ATCAY: variants seen among roughly 807,000 people sequenced by gnomAD.
The protein encoded by ATCAY is ATCAY kinesin light chain interacting caytaxin.
A neutral mutation model predicts 47.7 loss-of-function variants in ATCAY; 22 were observed. The observed-to-expected ratio is 0.46, with a 90% CI of 0.33 to 0.66. The LOEUF is 0.66. Among genes scored for constraint, ATCAY ranks in the 30% least tolerant of loss-of-function variants. The probability of loss-of-function intolerance (pLI) is 0.02; values close to 1 mark genes in which losing one functional copy is unlikely to be tolerated. For synonymous variants in ATCAY, 216 were observed against 207.6 expected (o/e 1.04, Z -0.35); for missense variants, 452 against 515.0 (o/e 0.88, Z 1.18).
chr19:3,910,189 T>C (rs187350292), intron 7 of ATCAY, among the ~76,000 whole-genome samples: 19 of 152,296 alleles, frequency 1.2e-4, no homozygotes, highest in South Asian at 8.3e-4. Context: ...CTCCTAGGAC[T>C]GGAATCACAC....
chr19:3,883,279 T>G (rs931702478), intron 1 of ATCAY, among the ~76,000 whole-genome samples: 1 of 151,732 alleles, frequency 6.6e-6, no homozygotes, highest in Non-Finnish European at 1.5e-5. Flanking sequence ...GAGGTGGAGG[T>G]TGCAGTGAGC....
intron 9 of ATCAY, among the ~76,000 whole-genome samples, chr19:3,915,681 A>G (rs2038960694): frequency 6.9e-6 from 1 of 145,968 alleles, no homozygotes; most frequent in African/African-American, 2.5e-5. Flanking sequence ...CCTCCCCAGT[A>G]GCTGGGATTA....
In ATCAY at chr19:3,907,628, G is replaced by C. The variant is rs1219699373; in HGVS notation, c.359-106G>C. The C allele has an allele frequency of 7.3e-7, 1 of 1,366,960 alleles. No individual in the cohort carries two copies. The highest frequency in any genetic ancestry group is 1.0e-6 in the Non-Finnish European group (1 of 989,992). The allele number at this position is 1,366,960 out of a possible 1,614,324, so 84.7% of individuals were successfully genotyped here. ...AGGTGGGGAGAAGCGAAGGACTTGT[G>C]GGTCCCGGCAGCGAGGGAGGTGGGA... On this transcript the variant is annotated intron_variant, in intron 4 of 12. Transcript: ENST00000450849. This position sits in a 1 kb window ranked among gnomAD's most constrained non-coding sequence, Gnocchi z 5.1.
chr19:3,924,532 G>T (rs904858491), intron 12 of ATCAY, 51 bp from the exon 13 acceptor site: 26 of 1,611,412 alleles, frequency 1.6e-5, no homozygotes, highest in Non-Finnish European at 2.1e-5. Context: ...AGCGCATTTT[G>T]CACTTTTAAC....
At chr19:3,886,466 T>C (rs572200312) in intron 2 of ATCAY, among the ~76,000 whole-genome samples, 36 of 151,898 alleles carry the variant, frequency 2.4e-4, no homozygotes, top group African/African-American at 8.4e-4. Flanking sequence ...GGCAGGCGCC[T>C]GTAGTCCCAG....
intron 1 of ATCAY, among the ~76,000 whole-genome samples, chr19:3,882,755 C>T (rs754313173): frequency 1.3e-5 from 2 of 151,732 alleles, no homozygotes; most frequent in Admixed American, 6.6e-5. Flanking sequence ...GCAATCCTCC[C>T]ACCTCAGCCT....
chr19:3,886,046 G>C (rs958652026), intron 2 of ATCAY, among the ~76,000 whole-genome samples: 4 of 152,234 alleles, frequency 2.6e-5, no homozygotes, highest in African/African-American at 9.6e-5. Flanking sequence ...CAGTGGGGTA[G>C]TCCTGGCCAG....
At chr19:3,919,317 G>A (rs1204317442) in intron 11 of ATCAY, among the ~76,000 whole-genome samples, 2 of 151,108 alleles carry the variant, frequency 1.3e-5, no homozygotes, top group African/African-American at 2.4e-5. Context: ...TTATCGGCCG[G>A]GTGTGGTGGC....
At chr19:3,924,198 C>T (rs2039045898) in intron 12 of ATCAY, among the ~76,000 whole-genome samples, 1 of 131,904 alleles carries the variant, frequency 7.6e-6, no homozygotes, top group Non-Finnish European at 1.6e-5. Flanking sequence ...ATGAATGGAT[C>T]CCTCCATTGA....
At chr19:3,906,570 T>C (rs2038863067) in intron 4 of ATCAY, among the ~76,000 whole-genome samples, 1 of 151,964 alleles carries the variant, frequency 6.6e-6, no homozygotes, top group Non-Finnish European at 1.5e-5. Context: ...CCCAAAGTGC[T>C]GGGATCACAG....
At chr19:3,894,922 C>G (rs945577955) in intron 2 of ATCAY, among the ~76,000 whole-genome samples, 1 of 128,926 alleles carries the variant, frequency 7.8e-6, no homozygotes, top group Non-Finnish European at 1.6e-5. Context: ...GTGCTCTAGG[C>G]TGGGCAACAG....
Position 3,927,432 on chromosome 19 carries a change from A to G in ATCAY, c.*2840A>G, listed in dbSNP as rs2039077090. 1 of 152,260 alleles carries G rather than the reference A, an allele frequency of 6.6e-6. No individual in the cohort carries two copies. The highest frequency in any genetic ancestry group is 2.4e-5 in the African/African-American group (1 of 41,458). 9.4% of individuals were successfully genotyped at this position (152,260 alleles called of 1,614,324 possible). On this transcript the variant is annotated 3_prime_UTR_variant, in exon 13 of 13. Transcript: ENST00000450849. ...GGGCCGCTTCCAAGTCACAGACAGGAGACGGGGACAGGAAAGAACTCATTC... is the reference window on the plus strand; with the variant it reads ...GGGCCGCTTCCAAGTCACAGACAGGGGACGGGGACAGGAAAGAACTCATTC...
chr19:3,885,509 G>T (rs1326555048), intron 1 of ATCAY, among the ~76,000 whole-genome samples: 2 of 151,246 alleles, frequency 1.3e-5, no homozygotes, highest in African/African-American at 4.9e-5. Flanking sequence ...AGCTGAGATG[G>T]CACCATTGCA....
intron 8 of ATCAY, among the ~76,000 whole-genome samples, chr19:3,913,179 C>T (rs985280586): frequency 3.3e-5 from 5 of 151,842 alleles, no homozygotes; most frequent in Non-Finnish European, 4.4e-5. Context: ...CCCAGCTACT[C>T]GGGAGGCTGA....
At chr19:3,894,948 C>CAAAAA (rs34311804) in intron 2 of ATCAY, among the ~76,000 whole-genome samples, 3 of 76,758 alleles carry the variant, frequency 3.9e-5, no homozygotes, top group Admixed American at 1.6e-4. Flanking sequence ...GACCCTGTCT[C>CAAAAA]AAAAAAAAAA....
chr19:3,925,936 G>C lies in ATCAY; in HGVS notation c.*1344G>C, dbSNP rs992198106. 1 of 152,154 alleles carries C rather than the reference G, an allele frequency of 6.6e-6. No individual in the cohort carries two copies. Among genetic ancestry groups the C allele is most frequent in the Non-Finnish European group, 1.5e-5 (1 of 68,056 alleles). 9.4% of individuals were successfully genotyped at this position (152,154 alleles called of 1,614,324 possible). The stretch of plus-strand genomic sequence containing the variant: ...GCATGAGAATCACTTAAACCTGAGA[G>C]GCAGAGGTTACAGTGAGCCAAGATC... On this transcript the variant is annotated 3_prime_UTR_variant, in exon 13 of 13. Coordinates refer to ENST00000450849, the MANE Select transcript of ATCAY (RefSeq NM_033064.5). The surrounding 1 kb of genome is among the most constrained non-coding windows in gnomAD (Gnocchi z 4.4).
At chr19:3,882,269 C>G (rs974349270) in intron 1 of ATCAY, among the ~76,000 whole-genome samples, 1 of 152,180 alleles carries the variant, frequency 6.6e-6, no homozygotes, top group African/African-American at 2.4e-5. Flanking sequence ...AGGCGATCCT[C>G]GCAAAGTGCT....
chr19:3,909,609 C>A lies in ATCAY; in HGVS notation c.771C>A (p.Ile257=), dbSNP rs749977698. ...IGWLKKCYQM[I]DRRLRKNLKS... ...GGCTGAAGAAGTGCTACCAGATGAT[C>A]GACCGGAGGTGAGGTGGGGATGCCT... The change falls in exon 7 of 13, where the codon ATC becomes ATA. Residue 257 remains isoleucine (I), a synonymous_variant. Transcript: ENST00000450849. 25 of 1,594,050 alleles carry A rather than the reference C, an allele frequency of 1.6e-5. No individual in the cohort carries two copies. Among genetic ancestry groups the A allele is most frequent in the Non-Finnish European group, 2.1e-5 (24 of 1,170,334 alleles).
At chr19:3,901,002 T>A (rs8102446) in intron 2 of ATCAY, among the ~76,000 whole-genome samples, 1 of 149,962 alleles carries the variant, frequency 6.7e-6, no homozygotes, top group Admixed American at 6.7e-5. Context: ...CCTGGGTTCA[T>A]GCCATTCTCC....
Sources: allele counts gnomAD v4.1 joint callset (sites outside exome capture counted in the v4.1 genomes callset), GRCh38; gene constraint gnomAD v4.1.1; non-coding constraint Gnocchi (gnomAD v3.1); transcripts MANE v1.5; gene names NCBI Gene and HGNC (gene_info 2026-07-23, HGNC 2026-07-21).